DAB1: variants seen among roughly 807,000 people sequenced by gnomAD.
DAB1 encodes DAB adaptor protein 1, also known as disabled homolog 1.
A neutral mutation model predicts 64.6 loss-of-function variants in DAB1; 15 were observed. The ratio of observed to expected loss-of-function variants is 0.23; its 90% confidence interval spans 0.16 to 0.36. DAB1 has a LOEUF of 0.36. DAB1 is among the 10% of genes least tolerant of loss of function. DAB1 has a pLI of 1.00. For missense variants in DAB1, 596 were observed against 706.7 expected, an observed-to-expected ratio of 0.84 and a Z score of 1.78; for synonymous variants, 235 against 251.9, an observed-to-expected ratio of 0.93 and a Z score of 0.64.
At chr1:58,474,788 T>C (rs964933993) in intron 3 of DAB1, among the ~76,000 whole-genome samples, 3 of 152,210 alleles carry the variant, frequency 2.0e-5, no homozygotes, top group African/African-American at 4.8e-5. Flanking sequence ...GGGAAGCATA[T>C]TAAAGACAGT....
chr1:57,052,257 T>C (rs1156683896), intron 9 of DAB1, among the ~76,000 whole-genome samples: 4 of 152,136 alleles, frequency 2.6e-5, no homozygotes, highest in African/African-American at 7.2e-5. Context: ...TTAGTACATA[T>C]GGTTAGTGGC....
Position 57,740,452 on chromosome 1 carries a change from T to C in DAB1, n.552-90787A>G, listed in dbSNP as rs543758957. 3.3e-5 allele frequency among the ~76,000 whole-genome samples: 5 copies of C among 152,298 alleles called. No individual in the cohort carries two copies. In the East Asian group the frequency reaches 9.7e-4, roughly 29 times the overall value. ...GAATACAGCCCACATCCGAGTATTG[T>C]ACTGAAAATTAAATAAAATAATACA... On this transcript the variant is annotated intron_variant and non_coding_transcript_variant, in intron 6 of 20. Coordinates refer to the DAB1 transcript ENST00000485760.
chr1:58,443,219 T>G (rs1192943574), intron 3 of DAB1, among the ~76,000 whole-genome samples: 1 of 152,190 alleles, frequency 6.6e-6, no homozygotes, highest in East Asian at 1.9e-4. Flanking sequence ...ATACCATGGG[T>G]CCAGCAGATA....
chr1:57,286,111 G>A (rs906233640), intron 2 of DAB1, among the ~76,000 whole-genome samples: 15 of 152,242 alleles, frequency 9.9e-5, no homozygotes, highest in African/African-American at 3.1e-4. Context: ...GAATACTCTA[G>A]TTACATTTCA....
chr1:58,458,469 G>A (rs1036753228), intron 3 of DAB1, among the ~76,000 whole-genome samples: 1 of 152,178 alleles, frequency 6.6e-6, no homozygotes, highest in African/African-American at 2.4e-5. Context: ...TAACTAAAAG[G>A]TACCAGTATC....
chr1:57,902,867 T>C (rs1277564779), intron 5 of DAB1, among the ~76,000 whole-genome samples: 1 of 152,118 alleles, frequency 6.6e-6, no homozygotes, highest in Non-Finnish European at 1.5e-5. Context: ...AATGTAAGCA[T>C]CCGTATTAGT....
At chr1:58,195,180 T>G (rs1023079427) in intron 4 of DAB1, among the ~76,000 whole-genome samples, 5 of 152,074 alleles carry the variant, frequency 3.3e-5, no homozygotes, top group Admixed American at 1.3e-4. Flanking sequence ...GATCATGCAC[T>G]GCTTATCTCA....
chr1:57,781,126 C>CTCTATATATA (rs1557477160), intron 6 of DAB1, among the ~76,000 whole-genome samples: 1 of 27,714 alleles, frequency 3.6e-5, no homozygotes, highest in Non-Finnish European at 6.4e-5. Flanking sequence ...CTCTCTCTCT[C>CTCTATATATA]TATATATATA....
intron 3 of DAB1, among the ~76,000 whole-genome samples, chr1:58,351,436 G>T (rs528435926): frequency 1.3e-5 from 2 of 152,238 alleles, no homozygotes; most frequent in Non-Finnish European, 2.9e-5. Context: ...TTGACCATAA[G>T]ATTCAAGAAC....
intron 7 of DAB1, among the ~76,000 whole-genome samples, chr1:57,481,083 C>A (rs1029650024): frequency 1.3e-5 from 2 of 152,094 alleles, no homozygotes; most frequent in Non-Finnish European, 2.9e-5. Flanking sequence ...CCAGGCACTA[C>A]CAAGATTAGT....
rs72916585 is a variant in DAB1 at position 57,817,608 on chromosome 1, C to T, written n.551+66391G>A. The stretch of plus-strand genomic sequence containing the variant: ...GGGCTCCTCAGGCAACACTCAATGT[C>T]AGGCAACACTGGCTCTTCTTCTGGC... On this transcript the variant is annotated intron_variant and non_coding_transcript_variant, in intron 6 of 20. Coordinates refer to the DAB1 transcript ENST00000485760. 4.5e-3 allele frequency among the ~76,000 whole-genome samples: 680 copies of T among 152,320 alleles called. 8 individuals carry two copies. The highest frequency in any genetic ancestry group is 0.016 in the African/African-American group (648 of 41,568).
At chr1:57,646,413 T>C (rs1034984762) in intron 7 of DAB1, among the ~76,000 whole-genome samples, 2 of 152,150 alleles carry the variant, frequency 1.3e-5, no homozygotes, top group African/African-American at 4.8e-5. Flanking sequence ...AACAATAGCA[T>C]GAAAGCCTTT....
rs80103696 is a variant in DAB1, at chr1:57,208,453, T to C, written c.68-63024A>G. On this transcript the variant is annotated intron_variant, in intron 2 of 14. Coordinates refer to ENST00000371236, the MANE Select transcript of DAB1 (RefSeq NM_001365792.1). Reference sequence around the variant, plus strand: ...AGGTTTCCTGTTTAGGTACCATGGATCACACTCTTCCCTTAGGAACAACAG... The same window carrying C: ...AGGTTTCCTGTTTAGGTACCATGGACCACACTCTTCCCTTAGGAACAACAG... Among the ~76,000 whole-genome samples, 163 of 152,264 alleles carry C rather than the reference T, an allele frequency of 1.1e-3. 1 individual carries two copies. In the East Asian group the frequency reaches 0.027, roughly 25 times the overall value.
intron 6 of DAB1, among the ~76,000 whole-genome samples, chr1:57,686,007 A>C (rs1178834962): frequency 2.0e-5 from 3 of 152,136 alleles, no homozygotes; most frequent in African/African-American, 7.2e-5. Context: ...GGAATTAGAA[A>C]AAAAAGAACC....
intron 9 of DAB1, among the ~76,000 whole-genome samples, chr1:57,027,529 C>T (rs1420147357): frequency 2.0e-5 from 3 of 152,138 alleles, no homozygotes; most frequent in Non-Finnish European, 2.9e-5. Context: ...CTGCCTGGAC[C>T]GCTGGGCCCA....
intron 7 of DAB1, among the ~76,000 whole-genome samples, chr1:57,441,294 CT>C (rs138207274): frequency 0.34 from 18,580 of 55,192 alleles, 1,825 homozygotes; most frequent in East Asian, 0.61. Flanking sequence ...TTCTTTCTTT[CT>C]TTCTTTCTTT....
At chr1:58,533,293 C>T (rs756700272) in intron 1 of DAB1, among the ~76,000 whole-genome samples, 7 of 152,172 alleles carry the variant, frequency 4.6e-5, no homozygotes, top group South Asian at 2.1e-4. Flanking sequence ...GACTAACATA[C>T]AGAAGACCCA....
At chr1:57,677,497 A>C (rs1214453902) in intron 6 of DAB1, among the ~76,000 whole-genome samples, 1 of 152,082 alleles carries the variant, frequency 6.6e-6, no homozygotes, top group African/African-American at 2.4e-5. Flanking sequence ...TTTCCTCCCT[A>C]TATTTCTGCA....
chr1:57,149,151 T>A (rs1293887259), intron 2 of DAB1, among the ~76,000 whole-genome samples: 5 of 152,236 alleles, frequency 3.3e-5, no homozygotes, highest in African/African-American at 1.2e-4. Flanking sequence ...GTTCTCAAGG[T>A]TCATCCATGT....
Sources: gnomAD v4.1 joint callset for allele counts (sites outside exome capture counted in the v4.1 genomes callset) on GRCh38, gnomAD v4.1.1 for gene constraint, MANE v1.5 for transcripts, NCBI Gene and HGNC (gene_info 2026-07-23, HGNC 2026-07-21) for gene names.